ADGRG7: variants seen among roughly 807,000 people sequenced by gnomAD.
ADGRG7 encodes adhesion G protein-coupled receptor G7.
ADGRG7 carries 82 observed loss-of-function variants against 88.6 expected under a neutral mutation model. The ratio of observed to expected loss-of-function variants is 0.93; its 90% confidence interval spans 0.77 to 1.11. The LOEUF is 1.11. Among genes scored for constraint, ADGRG7 ranks in the 50% most tolerant of loss-of-function variants. The pLI is 0.00. For synonymous variants in ADGRG7, 381 were observed against 345.2 expected, an observed-to-expected ratio of 1.10 and a Z score of -1.15; for missense variants, 945 against 953.4, an observed-to-expected ratio of 0.99 and a Z score of 0.12.
At chr3:100,662,987 C>T (rs1411065243) in intron 14 of ADGRG7, among the ~76,000 whole-genome samples, 1 of 152,046 alleles carries the variant, frequency 6.6e-6, no homozygotes, top group Non-Finnish European at 1.5e-5. Flanking sequence ...TTGTAAATCT[C>T]CCCATAGAAC....
chr3:100,648,415 T>C (rs1326415617), intron 10 of ADGRG7, among the ~76,000 whole-genome samples: 1 of 152,200 alleles, frequency 6.6e-6, no homozygotes, highest in Non-Finnish European at 1.5e-5. Context: ...ACACTACGTA[T>C]AAGAAATAAC....
chr3:100,637,464 A>G, intron 6 of ADGRG7, 62 bp downstream of exon 6: 1 of 1,056,158 alleles, frequency 9.5e-7, no homozygotes, highest in Middle Eastern at 2.0e-4. Context: ...TCCTAGGCTA[A>G]AGTATTAACA....
chr3:100,630,080 T>C (rs1222546510), intron 2 of ADGRG7, among the ~76,000 whole-genome samples: 1 of 152,176 alleles, frequency 6.6e-6, no homozygotes, highest in Non-Finnish European at 1.5e-5. Context: ...TATTTAACTT[T>C]TCTGAAATCA....
intron 13 of ADGRG7, among the ~76,000 whole-genome samples, chr3:100,658,725 A>G (rs1053642793): frequency 7.9e-5 from 12 of 152,074 alleles, no homozygotes; most frequent in African/African-American, 2.7e-4. Context: ...ACACACATAT[A>G]CACGGTAATT....
chr3:100,679,101 C>T (rs2094969486), intron 15 of ADGRG7, among the ~76,000 whole-genome samples: 1 of 152,208 alleles, frequency 6.6e-6, no homozygotes, highest in Admixed American at 6.5e-5. Flanking sequence ...GACCCAGGGC[C>T]TGTAGTTAGG....
intron 14 of ADGRG7, among the ~76,000 whole-genome samples, chr3:100,666,999 G>T (rs1033640803): frequency 2.3e-4 from 35 of 152,168 alleles, no homozygotes; most frequent in African/African-American, 7.5e-4. Flanking sequence ...TCTCAAGGCA[G>T]AGGAATTTTT....
intron 15 of ADGRG7, among the ~76,000 whole-genome samples, chr3:100,679,192 T>G (rs2094969606): frequency 6.6e-6 from 1 of 152,054 alleles, no homozygotes; most frequent in Non-Finnish European, 1.5e-5. Flanking sequence ...CTTCCCACTC[T>G]CCCCATCCCC....
At chr3:100,645,593 C>A (rs1247851777) in intron 8 of ADGRG7, among the ~76,000 whole-genome samples, 1 of 152,180 alleles carries the variant, frequency 6.6e-6, no homozygotes, top group East Asian at 1.9e-4. Flanking sequence ...GAGCTACCCA[C>A]ATGTTGTGTT....
At chr3:100,649,947 C>T in intron 11 of ADGRG7, 140 bp downstream of exon 11, 1 of 470,044 alleles carries the variant, frequency 2.1e-6, no homozygotes, top group Non-Finnish European at 3.8e-6. Flanking sequence ...ACATTTAGGC[C>T]TGGAAAGGCT....
chr3:100,635,000 GACACAC>G (rs142620077), intron 4 of ADGRG7, among the ~76,000 whole-genome samples: 15 of 146,776 alleles, frequency 1.0e-4, no homozygotes, highest in Admixed American at 3.4e-4. Flanking sequence ...TGAAAACCAA[GACACAC>G]ACACACACAC....
chr3:100,659,618 G>A (rs1397565993), intron 13 of ADGRG7, 70 bp from the exon 14 acceptor site: 1 of 1,352,076 alleles, frequency 7.4e-7, no homozygotes, highest in Non-Finnish European at 1.0e-6. Context: ...TGTCAATAGT[G>A]TTAATAGCAC....
At chr3:100,691,958 A>T (rs2094994715) in intron 15 of ADGRG7, among the ~76,000 whole-genome samples, 1 of 152,154 alleles carries the variant, frequency 6.6e-6, no homozygotes, top group African/African-American at 2.4e-5. Context: ...TATCAGGATG[A>T]GCTATTCTGT....
chr3:100,680,247 A>G (rs1217531490), intron 15 of ADGRG7, among the ~76,000 whole-genome samples: 1 of 152,208 alleles, frequency 6.6e-6, no homozygotes, highest in East Asian at 1.9e-4. Flanking sequence ...CTCCAATAAT[A>G]CTTTTTGTCA....
rs1324882022 is a variant in ADGRG7 at position 100,646,567 on chromosome 3, A to T, written c.1111-2A>T. Reference sequence around the variant, plus strand: ...AATTGTAATTGTCTTATCAATTCATAGTACAACCAAAAAGAATTTCAACTC... The same window carrying T: ...AATTGTAATTGTCTTATCAATTCATTGTACAACCAAAAAGAATTTCAACTC... On this transcript the variant is annotated splice_acceptor_variant, in intron 9 of 15. Coordinates refer to ENST00000273352, the MANE Select transcript of ADGRG7 (RefSeq NM_032787.3). LOFTEE classifies it high-confidence loss of function. The T allele has an allele frequency of 2.5e-6, 4 of 1,610,902 alleles. No homozygotes were observed. The Admixed American group carries it at 6.7e-5, about 27-fold the overall frequency.
chr3:100,629,398 AT>A (rs1707425686), intron 1 of ADGRG7, among the ~76,000 whole-genome samples, 199 bp from the exon 2 acceptor site: 1 of 151,902 alleles, frequency 6.6e-6, no homozygotes, highest in East Asian at 1.9e-4. Context: ...TCTTTCTGGT[AT>A]CCATAGCATC....
chr3:100,636,765 T>C (rs901393235), intron 5 of ADGRG7, among the ~76,000 whole-genome samples: 1 of 152,188 alleles, frequency 6.6e-6, no homozygotes, highest in African/African-American at 2.4e-5. Flanking sequence ...GATTAACAAG[T>C]AGGCAGAAGG....
In ADGRG7 at chr3:100,654,837, A is replaced by G; in HGVS notation, c.1382A>G (p.Lys461Arg). 1 of 1,536,994 alleles carries G rather than the reference A, an allele frequency of 6.5e-7. No individual in the cohort carries two copies. The highest frequency in any genetic ancestry group is 8.8e-7 in the Non-Finnish European group (1 of 1,139,434). The change falls in exon 12 of 16, where the codon AAA becomes AGA. Residue 461 changes from lysine to arginine, a missense_variant and splice_region_variant. Lys to Arg is a conservative substitution (Grantham distance 26). Coordinates refer to ENST00000273352, the MANE Select transcript of ADGRG7 (RefSeq NM_032787.3). ...LTVIFQIVTR[K>R]VRKTSVTWVL... ...TATATTAATTTACTTATTTTCAGGA[A>G]AGTCAGAAAAACCTCAGTAACCTGG...
chr3:100,644,202 T>C (rs1707698792), intron 8 of ADGRG7, among the ~76,000 whole-genome samples: 1 of 151,598 alleles, frequency 6.6e-6, no homozygotes, highest in East Asian at 1.9e-4. Flanking sequence ...AAAAAATAAG[T>C]AAATCAAACA....
At chr3:100,690,592 G>A (rs2094991556) in intron 15 of ADGRG7, among the ~76,000 whole-genome samples, 1 of 152,154 alleles carries the variant, frequency 6.6e-6, no homozygotes, top group South Asian at 2.1e-4. Flanking sequence ...TAACAGTCAG[G>A]ACCCTCAGCT....
Sources: allele counts gnomAD v4.1 joint callset (sites outside exome capture counted in the v4.1 genomes callset), GRCh38; gene constraint gnomAD v4.1.1; transcripts MANE v1.5; gene names NCBI Gene and HGNC (gene_info 2026-07-23, HGNC 2026-07-21).